CDH13: variants seen among roughly 807,000 people sequenced by gnomAD.
The protein encoded by CDH13 is cadherin 13, also known as cadherin-13.
A neutral mutation model predicts 63.8 loss-of-function variants in CDH13; 24 were observed. The ratio of observed to expected loss-of-function variants is 0.38; its 90% CI spans 0.27 to 0.53. CDH13 has a LOEUF of 0.53. Among genes scored for constraint, CDH13 ranks in the 20% least tolerant of loss-of-function variants. The probability of loss-of-function intolerance (pLI) is 0.85; values close to 1 mark genes in which losing one functional copy is unlikely to be tolerated. For synonymous variants in CDH13, 503 were observed against 355.3 expected (o/e 1.42, Z -4.67); for missense variants, 1,049 against 903.1 (o/e 1.16, Z -2.07).
At chr16:83,350,535 C>T (rs1035964700) in intron 6 of CDH13, among the ~76,000 whole-genome samples, 3 of 141,460 alleles carry the variant, frequency 2.1e-5, no homozygotes, top group African/African-American at 8.8e-5. Flanking sequence ...CCCTCCCTCT[C>T]TTTCCTGTCT....
intron 2 of CDH13, among the ~76,000 whole-genome samples, chr16:83,014,014 G>A (rs910496043): frequency 5.3e-5 from 8 of 152,148 alleles, no homozygotes; most frequent in African/African-American, 1.2e-4. Flanking sequence ...CTAAACACTC[G>A]AGGTAAAATG....
chr16:83,275,805 C>T lies in CDH13; in HGVS notation c.636+58308C>T, dbSNP rs149318723. On this transcript the variant is annotated intron_variant, in intron 5 of 13. Transcript: ENST00000567109. ...CAGAGCAAATAAGTTCCCCGGATGC[C>T]GGGCACAGTGGGTAGCGGTGCAGGG... is the stretch of plus-strand genomic sequence containing the variant. Among the ~76,000 whole-genome samples the T allele has an allele frequency of 1.1e-4, 17 of 152,190 alleles. No homozygotes were observed. In the East Asian group the frequency reaches 1.9e-3, roughly 17 times the overall value.
At position 83,080,880 on chromosome 16, in the gene CDH13, T is replaced by TTTG. The variant is rs1328822298; in HGVS notation, c.367-44503_367-44502insGTT. On this transcript the variant is annotated intron_variant, in intron 3 of 13. Coordinates refer to ENST00000567109, the MANE Select transcript of CDH13 (RefSeq NM_001257.5). ...TTTGTTTTGTTTTTGTGTTTTTTTT[T>TTTG]TTTTTTTTTTTTTTTTTTGAGACAG... Among the ~76,000 whole-genome samples the TTTG allele has an allele frequency of 2.2e-4, 25 of 112,514 alleles. 2 individuals are homozygous for TTTG. The South Asian group carries it at 2.7e-3, about 12-fold the overall frequency. 73.8% of individuals were successfully genotyped at this position (112,514 alleles called of 152,430 possible). A position where few individuals can be genotyped will look rare whatever the true frequency, so the allele number is the denominator to read the frequency against.
At chr16:82,678,265 T>C (rs1761630499) in intron 1 of CDH13, among the ~76,000 whole-genome samples, 3 of 152,040 alleles carry the variant, frequency 2.0e-5, no homozygotes, top group Admixed American at 2.0e-4. Context: ...TAAATATAAA[T>C]ATTGCTTTTC....
At chr16:82,913,029 A>G (rs1281749633) in intron 2 of CDH13, among the ~76,000 whole-genome samples, 1 of 151,988 alleles carries the variant, frequency 6.6e-6, no homozygotes, top group Non-Finnish European at 1.5e-5. Context: ...ATTTAGGCCT[A>G]ATTCAAAATC....
At chr16:83,540,957 A>G (rs1406203037) in intron 7 of CDH13, among the ~76,000 whole-genome samples, 2 of 152,162 alleles carry the variant, frequency 1.3e-5, no homozygotes, top group East Asian at 1.9e-4. Flanking sequence ...TTTTATATCC[A>G]TGATGCCAGT....
intron 1 of CDH13, among the ~76,000 whole-genome samples, chr16:82,818,900 T>C (rs2037860642): frequency 6.6e-6 from 1 of 152,210 alleles, no homozygotes; most frequent in African/African-American, 2.4e-5. Context: ...AAATGAGTTA[T>C]GCCTTTATAA....
At chr16:83,165,243 T>C (rs576789295) in intron 4 of CDH13, among the ~76,000 whole-genome samples, 1 of 152,226 alleles carries the variant, frequency 6.6e-6, no homozygotes, top group African/African-American at 2.4e-5. Flanking sequence ...CCCCTACAAC[T>C]GATCTGCCAA....
At chr16:83,007,184 A>G (rs965854010) in intron 2 of CDH13, among the ~76,000 whole-genome samples, 2 of 152,058 alleles carry the variant, frequency 1.3e-5, no homozygotes, top group African/African-American at 4.8e-5. Context: ...GGCCTCCCAG[A>G]GTGCTGGGAT....
chr16:82,841,827 G>A (rs958780167), intron 1 of CDH13, among the ~76,000 whole-genome samples: 4 of 151,988 alleles, frequency 2.6e-5, no homozygotes, highest in African/African-American at 9.7e-5. Context: ...CTACTGTGCT[G>A]GAGCTGCTTA....
chr16:83,050,107 C>A lies in CDH13; in HGVS notation c.366+17889C>A, dbSNP rs925862055. Among the ~76,000 whole-genome samples, 6 of 152,164 alleles carry A rather than the reference C, an allele frequency of 3.9e-5. No homozygotes were observed. In the East Asian group the frequency reaches 1.2e-3, roughly 29 times the overall value. ...TAAGATACTCAGGATTCTTTACAAA[C>A]ATGCTAGGTTTCCACTTAGAGCAAG... On this transcript the variant is annotated intron_variant, in intron 3 of 13. Coordinates refer to ENST00000567109, the MANE Select transcript of CDH13 (RefSeq NM_001257.5).
At chr16:83,584,227 G>A (rs1402486520) in intron 7 of CDH13, among the ~76,000 whole-genome samples, 1 of 152,110 alleles carries the variant, frequency 6.6e-6, no homozygotes, top group Non-Finnish European at 1.5e-5. Flanking sequence ...AACTAAGGAG[G>A]CTGAGGCAGG....
intron 5 of CDH13, among the ~76,000 whole-genome samples, chr16:83,254,638 G>A (rs1438676803): frequency 1.3e-5 from 2 of 152,034 alleles, no homozygotes; most frequent in Admixed American, 6.6e-5. Flanking sequence ...GCTTAGTTGT[G>A]CAAGCCACCG....
At chr16:83,451,234 TG>T (rs1446027974) in intron 6 of CDH13, among the ~76,000 whole-genome samples, 6 of 152,308 alleles carry the variant, frequency 3.9e-5, no homozygotes, top group South Asian at 2.1e-4. Context: ...CAGTTCCACA[TG>T]GCTGGGGAGG....
chr16:82,684,919 A>G (rs1332489889), intron 1 of CDH13, among the ~76,000 whole-genome samples: 1 of 151,362 alleles, frequency 6.6e-6, no homozygotes, highest in Non-Finnish European at 1.5e-5. Flanking sequence ...TATAAATCAC[A>G]TTTAAGTAGT....
chr16:82,850,812 T>G (rs1285133680), intron 1 of CDH13, among the ~76,000 whole-genome samples: 1 of 152,178 alleles, frequency 6.6e-6, no homozygotes, highest in East Asian at 1.9e-4. Flanking sequence ...AGACAACCAC[T>G]TGTTGAAGGC....
intron 1 of CDH13, among the ~76,000 whole-genome samples, chr16:82,661,769 A>G (rs953544202): frequency 2.6e-5 from 4 of 152,258 alleles, no homozygotes; most frequent in Non-Finnish European, 4.4e-5. Context: ...GGAAACCTCA[A>G]TTAGGGAATA....
chr16:83,334,359 TCTCACACACA>T (rs1198277229), intron 5 of CDH13, among the ~76,000 whole-genome samples: 1,746 of 88,522 alleles, frequency 0.02, 21 homozygotes, highest in Middle Eastern at 0.076. Flanking sequence ...TCTCTCTCTC[TCTCACACACA>T]CACACACACA....
intron 4 of CDH13, among the ~76,000 whole-genome samples, chr16:83,202,466 G>C (rs1158144373): frequency 6.6e-6 from 1 of 152,192 alleles, no homozygotes; most frequent in Non-Finnish European, 1.5e-5. Flanking sequence ...GGAAGAGACA[G>C]TAGCGGCTTC....
Sources: allele counts gnomAD v4.1 joint callset (sites outside exome capture counted in the v4.1 genomes callset), GRCh38; gene constraint gnomAD v4.1.1; transcripts MANE v1.5; gene names NCBI Gene and HGNC (gene_info 2026-07-23, HGNC 2026-07-21).